The following ABCA4 variants were observed in gnomAD, a reference collection of about 807,000 sequenced individuals.
ABCA4 encodes retinal-specific phospholipid-transporting ATPase ABCA4.
ABCA4 carries 196 observed loss-of-function variants against 263.7 expected under a neutral mutation model. The ratio of observed to expected loss-of-function variants is 0.74; its 90% CI spans 0.66 to 0.84. The LOEUF is 0.84. Among genes scored for constraint, ABCA4 ranks in the 40% least tolerant of loss-of-function variants. The pLI, the probability that ABCA4 is intolerant of heterozygous loss-of-function variation, is 0.00. For missense variants in ABCA4, 2,792 were observed against 2,855.1 expected (o/e 0.98, Z 0.50); for synonymous variants, 1,133 against 1,094.2 (o/e 1.04, Z -0.70).
At chr1:94,026,010 C>G (rs987791506) in intron 30 of ABCA4, among the ~76,000 whole-genome samples, 2 of 152,182 alleles carry the variant, frequency 1.3e-5, no homozygotes, top group Non-Finnish European at 2.9e-5. Flanking sequence ...GCTAGTTCAT[C>G]GAAATATTTT....
At chr1:94,024,852 G>T in intron 31 of ABCA4, 102 bp downstream of exon 31, 1 of 1,062,606 alleles carries the variant, frequency 9.4e-7, no homozygotes, top group Non-Finnish European at 1.4e-6. Context: ...AAAATCTACT[G>T]CCCTGATCAT....
intron 37 of ABCA4, among the ~76,000 whole-genome samples, chr1:94,015,061 C>T (rs1557765802): frequency 6.6e-6 from 1 of 152,202 alleles, no homozygotes; most frequent in Non-Finnish European, 1.5e-5. Flanking sequence ...GTGAGCTCAT[C>T]TTCACAGCTT....
chr1:94,114,795 C>A (rs1390838591), intron 1 of ABCA4, among the ~76,000 whole-genome samples: 1 of 152,158 alleles, frequency 6.6e-6, no homozygotes, highest in East Asian at 1.9e-4. Context: ...CCCTGGACTT[C>A]CGCTTCTTAA....
intron 38 of ABCA4, among the ~76,000 whole-genome samples, 159 bp downstream of exon 38, chr1:94,014,372 TGGGAGGAAGGAA>T (rs368612844): frequency 3.3e-4 from 22 of 66,452 alleles, no homozygotes; most frequent in African/African-American, 1.7e-3. Flanking sequence ...GAAGGAAGGA[TGGGAGGAAGGAA>T]GGAAGGAAAG....
chr1:94,065,356 T>C (rs1235868146), intron 11 of ABCA4, among the ~76,000 whole-genome samples: 1 of 152,158 alleles, frequency 6.6e-6, no homozygotes, highest in East Asian at 1.9e-4. Flanking sequence ...CCCCAGGTCA[T>C]TTGATTCCAC....
chr1:94,083,472 T>C, intron 6 of ABCA4, 31 bp from the exon 7 acceptor site: 1 of 1,547,176 alleles, frequency 6.5e-7, no homozygotes, highest in Non-Finnish European at 8.9e-7. Context: ...ATTTTTTAAA[T>C]ATATATATGT....
At chr1:94,009,954 G>T (rs919564698) in intron 40 of ABCA4, among the ~76,000 whole-genome samples, 1 of 152,224 alleles carries the variant, frequency 6.6e-6, no homozygotes, top group Admixed American at 6.5e-5. Context: ...TCAGGCGTGT[G>T]TTGACACCTG....
At chr1:94,021,977 G>T (rs775433441) in intron 32 of ABCA4, 26 bp from the exon 33 acceptor site, 24 of 1,602,396 alleles carry the variant, frequency 1.5e-5, no homozygotes, top group Non-Finnish European at 2.1e-5. Context: ...GAAATCCTCA[G>T]ACCAGGGCCA....
rs1660000690 is a variant in ABCA4 at position 94,025,016 on chromosome 1, G to T, written c.4572C>A (p.Asp1524Glu). 6.2e-7 allele frequency: 1 copy of T among 1,614,170 alleles called. No individual in the cohort carries two copies. The highest frequency in any genetic ancestry group is 8.5e-7 in the Non-Finnish European group (1 of 1,180,022). ...AGTCGGAGATGTTCCTGTCCGTCAG[G>T]TCTTGTAGAATTTCCGTGCTGCGCT... ...RTQRSTEILQ[D>E]LTDRNISDFL... Residue 1524 changes from aspartate (D) to glutamate (E), a missense_variant, in exon 31 of 50, where the codon GAC becomes GAA. By Grantham distance (45) the Asp-to-Glu change is conservative. Coordinates refer to ENST00000370225, the MANE Select transcript of ABCA4 (RefSeq NM_000350.3).
chr1:94,040,870 A>G (rs550724793), intron 23 of ABCA4, among the ~76,000 whole-genome samples: 1 of 152,254 alleles, frequency 6.6e-6, no homozygotes, highest in African/African-American at 2.4e-5. Flanking sequence ...AGGGAATATT[A>G]ATGTTGAAAT....
At chr1:94,058,548 G>C (rs1661039611) in intron 14 of ABCA4, among the ~76,000 whole-genome samples, 1 of 152,182 alleles carries the variant, frequency 6.6e-6, no homozygotes, top group African/African-American at 2.4e-5. Context: ...TTTTAGGAGA[G>C]GCAGGGTTTC....
rs763230559 is a variant in ABCA4 at position 94,005,461 on chromosome 1, G to A, written c.6127C>T (p.Pro2043Ser). The A allele has an allele frequency of 2.5e-6, 4 of 1,614,010 alleles. No individual in the cohort carries two copies. The East Asian group carries it at 8.9e-5, about 36-fold the overall frequency. ...LYLYARLRGVPAEEIEKVANW... is the reference protein window; with the variant it reads ...LYLYARLRGVSAEEIEKVANW... ...TTCACCTTTTCGATTTCTTCTGCTG[G>A]TACACCTCGAAGCCGGGCATAAAGG... The change falls in exon 44 of 50, where the codon CCA (proline) becomes TCA (serine). Residue 2043 changes from proline (P) to serine (S), a missense_variant. Physicochemically the swap from Pro to Ser is moderately conservative, Grantham distance 74. Coordinates refer to ENST00000370225, the MANE Select transcript of ABCA4 (RefSeq NM_000350.3).
intron 27 of ABCA4, 65 bp from the exon 28 acceptor site, chr1:94,031,185 C>T: frequency 1.9e-6 from 3 of 1,591,620 alleles, no homozygotes; most frequent in Non-Finnish European, 2.6e-6. Context: ...TGCGCGTGCA[C>T]ACACATCTTC....
intron 11 of ABCA4, 93 bp from the exon 12 acceptor site, chr1:94,063,410 TC>T: frequency 8.0e-7 from 1 of 1,244,600 alleles, no homozygotes; most frequent in Non-Finnish European, 1.2e-6. Context: ...AGGGCTGCTG[TC>T]CCAGGAAATG....
At chr1:94,030,290 G>A in intron 29 of ABCA4, 138 bp downstream of exon 29, 1 of 754,968 alleles carries the variant, frequency 1.3e-6, no homozygotes, top group Non-Finnish European at 2.3e-6. Flanking sequence ...GAGGTTGGGG[G>A]AGTGCTGGTC....
intron 6 of ABCA4, among the ~76,000 whole-genome samples, chr1:94,088,835 A>G (rs76510543): frequency 2.3e-5 from 2 of 87,768 alleles, no homozygotes; most frequent in South Asian, 2.8e-4. Context: ...GGCATCTAAG[A>G]GGGGGTAGGA....
chr1:94,100,355 C>T (rs570171799), intron 5 of ABCA4, among the ~76,000 whole-genome samples: 81 of 152,354 alleles, frequency 5.3e-4, no homozygotes, highest in African/African-American at 1.9e-3. Flanking sequence ...TTTCTTTTAA[C>T]TTCAACTGCC....
intron 37 of ABCA4, 142 bp from the exon 38 acceptor site, chr1:94,014,832 C>T: frequency 1.9e-6 from 2 of 1,064,966 alleles, no homozygotes; most frequent in South Asian, 2.6e-5. Flanking sequence ...AGAGATACTC[C>T]ATTTGTTGGT....
rs757694063 is a variant in ABCA4 at position 94,040,142 on chromosome 1, T to C, written c.3523-15A>G. ...CTGCAGGTCCCCTGCAACAGATGGA[T>C]GGGATGACTGACAAGATGCACATCC... On this transcript the variant is annotated splice_polypyrimidine_tract_variant and intron_variant, in intron 23 of 49. Transcript: ENST00000370225. 10 of 1,590,256 alleles carry C rather than the reference T, an allele frequency of 6.3e-6. No homozygotes were observed. Among genetic ancestry groups the C allele is most frequent in the South Asian group, 3.4e-5 (3 of 88,362 alleles).
Sources: gnomAD v4.1 joint callset for allele counts (sites outside exome capture counted in the v4.1 genomes callset) on GRCh38, gnomAD v4.1.1 for gene constraint, MANE v1.5 for transcripts, NCBI Gene and HGNC (gene_info 2026-07-23, HGNC 2026-07-21) for gene names.